The following ANO2 variants were observed in gnomAD, a reference collection of about 807,000 sequenced individuals.
ANO2 encodes anoctamin 2.
Under a neutral mutation model 124.2 loss-of-function variants are expected in ANO2, and 101 were observed. The observed-to-expected ratio is 0.81, with a 90% CI of 0.69 to 0.96. ANO2 has a LOEUF of 0.96. ANO2 is among the 40% of genes least tolerant of loss of function. The pLI, the probability that ANO2 is intolerant of heterozygous loss-of-function variation, is 0.00. For synonymous variants in ANO2, 486 were observed against 482.5 expected, an observed-to-expected ratio of 1.01 and a Z score of -0.09; for missense variants, 1,293 against 1,274.5, an observed-to-expected ratio of 1.01 and a Z score of -0.22.
chr12:5,599,532 A>G lies in ANO2; in HGVS notation c.2185T>C (p.Tyr729His), dbSNP rs1943827656. 1 of 1,613,778 alleles carries G rather than the reference A, an allele frequency of 6.2e-7. No individual in the cohort carries two copies. The highest frequency in any genetic ancestry group is 8.5e-7 in the Non-Finnish European group (1 of 1,179,824). The change falls in exon 20 of 25, where the codon TAC (tyrosine) becomes CAC (histidine). Residue 729 changes from tyrosine (Y) to histidine (H), a missense_variant. Transcript: ENST00000682330. ...AGTCCTGTGTATGGTTCCAAGCTGT[A>G]GTCTAGGTCCCACTGCTCTGGATGT... ...SKHPEQWDLD[Y>H]SLEPYTGLTP...
At chr12:5,844,240 G>A (rs1489576888) in intron 4 of ANO2, among the ~76,000 whole-genome samples, 1 of 152,144 alleles carries the variant, frequency 6.6e-6, no homozygotes, top group African/African-American at 2.4e-5. Flanking sequence ...CTAAATCAGG[G>A]AGCTCCATCT....
intron 10 of ANO2, among the ~76,000 whole-genome samples, chr12:5,759,869 C>G (rs577001292): frequency 2.0e-5 from 3 of 151,484 alleles, no homozygotes; most frequent in Admixed American, 2.0e-4. Flanking sequence ...GGAGTAAAAG[C>G]CAAGAGAATT....
chr12:5,732,325 G>T (rs1362664713), intron 14 of ANO2, among the ~76,000 whole-genome samples, 195 bp downstream of exon 14: 2 of 152,006 alleles, frequency 1.3e-5, no homozygotes, highest in Non-Finnish European at 2.9e-5. Context: ...GGAAAGAGAG[G>T]TCAAGTCATA....
intron 4 of ANO2, among the ~76,000 whole-genome samples, chr12:5,853,210 C>T (rs1418509261): frequency 6.8e-6 from 1 of 146,536 alleles, no homozygotes; most frequent in Non-Finnish European, 1.5e-5. Flanking sequence ...CTATGTTGCC[C>T]AGGCTGGTCT....
intron 1 of ANO2, among the ~76,000 whole-genome samples, chr12:5,938,913 A>T (rs1408403948): frequency 6.6e-6 from 1 of 151,644 alleles, no homozygotes; most frequent in Non-Finnish European, 1.5e-5. Context: ...CAAGGCCAAT[A>T]TTTTTTTTTA....
chr12:5,623,205 C>T (rs16933669), intron 16 of ANO2, among the ~76,000 whole-genome samples: 8,072 of 152,126 alleles, frequency 0.053, 630 homozygotes, highest in African/African-American at 0.17. Context: ...AAAGTACCTT[C>T]AGATTGCATG....
At chr12:5,806,190 G>T in intron 8 of ANO2, 97 bp from the exon 9 acceptor site, 3 of 1,285,136 alleles carry the variant, frequency 2.3e-6, no homozygotes, top group Non-Finnish European at 3.2e-6. Flanking sequence ...TAATATCATT[G>T]CTTTTTTTTC....
chr12:5,739,119 G>A (rs1298308593), intron 13 of ANO2, 198 bp downstream of exon 13: 1 of 689,562 alleles, frequency 1.5e-6, no homozygotes, highest in Non-Finnish European at 2.7e-6. Context: ...AAGGGAAGAG[G>A]GGGTACTTGA....
intron 16 of ANO2, among the ~76,000 whole-genome samples, chr12:5,627,089 C>T (rs567762773): frequency 6.6e-6 from 1 of 152,308 alleles, no homozygotes; most frequent in Non-Finnish European, 1.5e-5. Context: ...AATTACTGAC[C>T]ATAGTCTTAC....
chr12:5,658,676 TATC>T lies in ANO2; in HGVS notation c.1546-10878_1546-10876del, dbSNP rs1272490515. Reference sequence around the variant, plus strand: ...TCATCATCATCATCATCAACATCATTATCATCATTAAATCATCATCAGCATCAA... The same window carrying T: ...TCATCATCATCATCATCAACATCATTATCATTAAATCATCATCAGCATCAA... On this transcript the variant is annotated intron_variant, in intron 14 of 24. Coordinates refer to ENST00000682330, the MANE Select transcript of ANO2 (RefSeq NM_001364791.2). The surrounding 1 kb of genome is among the most constrained non-coding windows in gnomAD (Gnocchi z 4.3). 2.0e-5 allele frequency among the ~76,000 whole-genome samples: 3 copies of T among 151,482 alleles called. No homozygotes were observed. The highest frequency in any genetic ancestry group is 2.1e-4 in the South Asian group (1 of 4,814).
chr12:5,599,636 A>G lies in ANO2; in HGVS notation c.2088-7T>C, dbSNP rs1201309029. The G allele has an allele frequency of 6.2e-7, 1 of 1,613,438 alleles. No individual in the cohort carries two copies. Among genetic ancestry groups the G allele is most frequent in the Non-Finnish European group, 8.5e-7 (1 of 1,179,744 alleles). On this transcript the variant is annotated splice_region_variant and splice_polypyrimidine_tract_variant and intron_variant, in intron 19 of 24. Coordinates refer to ENST00000682330, the MANE Select transcript of ANO2 (RefSeq NM_001364791.2). ...AAATAGTTTCTTTAGCTTCCTGGAA[A>G]AGAAATGGATTAAGTTACAAAAAGC...
chr12:5,800,132 T>C (rs919883264), intron 9 of ANO2, among the ~76,000 whole-genome samples: 7 of 152,154 alleles, frequency 4.6e-5, no homozygotes, highest in African/African-American at 1.7e-4. Flanking sequence ...GACATTGAGC[T>C]GAGACACAAA....
chr12:5,917,028 T>C (rs560307856), intron 3 of ANO2, among the ~76,000 whole-genome samples: 19 of 152,094 alleles, frequency 1.2e-4, no homozygotes, highest in Middle Eastern at 3.4e-3. Context: ...TCACCTGGAG[T>C]AGCCTCATGA....
chr12:5,568,971 A>G (rs1941944291), intron 23 of ANO2, among the ~76,000 whole-genome samples: 1 of 152,266 alleles, frequency 6.6e-6, no homozygotes, highest in Non-Finnish European at 1.5e-5. Flanking sequence ...AACCCAATAA[A>G]TAGCAACTAT....
At chr12:5,584,576 T>C (rs1356441702) in intron 20 of ANO2, among the ~76,000 whole-genome samples, 1 of 152,196 alleles carries the variant, frequency 6.6e-6, no homozygotes, top group African/African-American at 2.4e-5. Context: ...CATTAGTACA[T>C]ACTTATGTAA....
intron 14 of ANO2, among the ~76,000 whole-genome samples, chr12:5,668,409 A>C (rs1191336816): frequency 3.3e-5 from 5 of 149,680 alleles, no homozygotes; most frequent in Non-Finnish European, 7.4e-5. Flanking sequence ...TTTTTTTCTT[A>C]TAAACTTGTT....
At chr12:5,922,978 G>A (rs1429662818) in intron 1 of ANO2, among the ~76,000 whole-genome samples, 174 bp from the exon 2 acceptor site, 2 of 151,990 alleles carry the variant, frequency 1.3e-5, no homozygotes, top group Non-Finnish European at 2.9e-5. Context: ...AAGGAAGGGA[G>A]CATGGAAAAG....
chr12:5,761,986 A>G (rs1951756842), intron 10 of ANO2, among the ~76,000 whole-genome samples: 1 of 152,162 alleles, frequency 6.6e-6, no homozygotes, highest in East Asian at 1.9e-4. Flanking sequence ...TGTTTTATGA[A>G]ATTTTCATGA....
intron 12 of ANO2, 30 bp downstream of exon 12, chr12:5,744,127 A>G: frequency 1.2e-6 from 2 of 1,612,690 alleles, no homozygotes; most frequent in South Asian, 1.1e-5. Flanking sequence ...GGAACCACCC[A>G]TATAAGCAAG....
Sources: allele counts gnomAD v4.1 joint callset (sites outside exome capture counted in the v4.1 genomes callset), GRCh38; gene constraint gnomAD v4.1.1; non-coding constraint Gnocchi (gnomAD v3.1); transcripts MANE v1.5; gene names NCBI Gene and HGNC (gene_info 2026-07-23, HGNC 2026-07-21).